The following CDH18 variants were observed in gnomAD, a reference collection of about 807,000 sequenced individuals.
The protein encoded by CDH18 is cadherin 18.
In CDH18, 31 loss-of-function variants were observed where a neutral mutation model predicts 67.9. The observed-to-expected ratio is 0.46, with a 90% CI of 0.34 to 0.62. The LOEUF is 0.62. Among genes scored for constraint, CDH18 ranks in the 20% least tolerant of loss-of-function variants. The probability of loss-of-function intolerance (pLI) is 0.01; values close to 1 mark genes in which losing one functional copy is unlikely to be tolerated. For synonymous variants in CDH18, 362 were observed against 347.2 expected, an observed-to-expected ratio of 1.04 and a Z score of -0.48; for missense variants, 890 against 975.5, an observed-to-expected ratio of 0.91 and a Z score of 1.17.
At chr5:20,239,330 C>T (rs1742713899) in intron 2 of CDH18, among the ~76,000 whole-genome samples, 1 of 152,154 alleles carries the variant, frequency 6.6e-6, no homozygotes, top group East Asian at 1.9e-4. Context: ...GTGGCGGATG[C>T]CTGTAGTCCC....
At chr5:19,792,210 T>A (rs1301190122) in intron 3 of CDH18, among the ~76,000 whole-genome samples, 1 of 152,064 alleles carries the variant, frequency 6.6e-6, no homozygotes, top group Non-Finnish European at 1.5e-5. Flanking sequence ...CACTATCTCA[T>A]CTTTTGAGGG....
chr5:19,642,733 T>C (rs776541056), intron 5 of CDH18, among the ~76,000 whole-genome samples: 1 of 151,738 alleles, frequency 6.6e-6, no homozygotes, highest in Non-Finnish European at 1.5e-5. Flanking sequence ...AAAAAAAAGA[T>C]AGGGGGAAGG....
At chr5:20,349,766 A>T (rs1203633179) in intron 1 of CDH18, among the ~76,000 whole-genome samples, 2 of 152,126 alleles carry the variant, frequency 1.3e-5, no homozygotes, top group East Asian at 3.9e-4. Flanking sequence ...ATTTTGTCAG[A>T]CCTAAGAAGA....
intron 1 of CDH18, among the ~76,000 whole-genome samples, chr5:20,282,196 A>C (rs573254655): frequency 6.6e-6 from 1 of 152,196 alleles, no homozygotes; most frequent in African/African-American, 2.4e-5. Context: ...CTAATTGAAT[A>C]CCCTTTATTT....
chr5:19,658,290 A>C (rs1011616443), intron 5 of CDH18, among the ~76,000 whole-genome samples: 1 of 152,124 alleles, frequency 6.6e-6, no homozygotes, highest in Non-Finnish European at 1.5e-5. Context: ...AACACATAAA[A>C]ATTATTTTTA....
intron 1 of CDH18, among the ~76,000 whole-genome samples, chr5:20,468,119 A>G (rs1208962720): frequency 6.6e-6 from 1 of 152,076 alleles, no homozygotes; most frequent in Non-Finnish European, 1.5e-5. Context: ...GGTTCAAGTG[A>G]ATCTCCTGCC....
At chr5:20,088,163 T>C (rs985752577) in intron 2 of CDH18, among the ~76,000 whole-genome samples, 32 of 152,338 alleles carry the variant, frequency 2.1e-4, no homozygotes, top group South Asian at 1.7e-3. Flanking sequence ...CCATTGCTAT[T>C]CCCATATCCT....
At chr5:19,523,820 C>T (rs1438711898) in intron 9 of CDH18, among the ~76,000 whole-genome samples, 1 of 151,980 alleles carries the variant, frequency 6.6e-6, no homozygotes, top group African/African-American at 2.4e-5. Flanking sequence ...ACTATCAGTA[C>T]AATTAATGGC....
intron 2 of CDH18, among the ~76,000 whole-genome samples, chr5:20,193,830 A>T (rs58772172): frequency 1.2e-3 from 176 of 152,252 alleles, no homozygotes; most frequent in Admixed American, 1.9e-3. Flanking sequence ...CATCACATAA[A>T]TAGAACCAAG....
intron 1 of CDH18, among the ~76,000 whole-genome samples, chr5:20,456,308 G>A (rs983838022): frequency 1.1e-4 from 16 of 151,964 alleles, no homozygotes; most frequent in Admixed American, 5.3e-4. Context: ...CATCAGCATC[G>A]TGTTCCAAGT....
chr5:20,452,650 T>A (rs1172731166), intron 1 of CDH18, among the ~76,000 whole-genome samples: 1 of 151,964 alleles, frequency 6.6e-6, no homozygotes, highest in Non-Finnish European at 1.5e-5. Context: ...AAAAAATAAC[T>A]ATTGTGTATG....
chr5:19,473,262 T>C lies in CDH18; in HGVS notation c.2337A>G (p.Glu779=). Residue 779 remains glutamate (E), a synonymous_variant, in exon 13 of 13, where the codon GAA becomes GAG. Transcript: ENST00000382275. ...DWGPEFKKLA[E]LYGEIESERT... The stretch of plus-strand genomic sequence containing the variant: ...TTTCAGATTCTATTTCTCCATAGAG[T>C]TCAGCTAACTTTTTAAACTCGGGTC... 6.2e-7 allele frequency: 1 copy of C among 1,613,524 alleles called. No individual in the cohort carries two copies.
At chr5:20,540,538 A>C (rs932071004) in intron 1 of CDH18, among the ~76,000 whole-genome samples, 1 of 152,182 alleles carries the variant, frequency 6.6e-6, no homozygotes. Flanking sequence ...TTTTGTCCAA[A>C]TACAGTGATA....
At position 20,411,318 on chromosome 5, in the gene CDH18, G is replaced by A. The variant is rs111333519; in HGVS notation, c.-579-155813C>T. ...TTCCCACACACGGTCAGCTGTTGTT[G>A]GACAAAAGTGCCTACAATACACAAT... On this transcript the variant is annotated intron_variant, in intron 1 of 14. Coordinates refer to the CDH18 transcript ENST00000507958. Among the ~76,000 whole-genome samples, 52 of 151,862 alleles carry A rather than the reference G, an allele frequency of 3.4e-4. 1 individual carries two copies. The highest frequency in any genetic ancestry group is 6.0e-4 in the Non-Finnish European group (41 of 67,924).
chr5:20,111,689 A>G (rs1747490903), intron 2 of CDH18, among the ~76,000 whole-genome samples: 1 of 150,866 alleles, frequency 6.6e-6, no homozygotes, highest in Non-Finnish European at 1.5e-5. Context: ...GGGCTACAAG[A>G]GTGCGCCACC....
chr5:19,753,672 A>G (rs1771146924), intron 3 of CDH18, among the ~76,000 whole-genome samples: 1 of 152,102 alleles, frequency 6.6e-6, no homozygotes, highest in Non-Finnish European at 1.5e-5. Context: ...TGTTATGCCA[A>G]TGCATAGGTC....
At chr5:19,493,558 G>C (rs1216036243) in intron 11 of CDH18, among the ~76,000 whole-genome samples, 1 of 151,870 alleles carries the variant, frequency 6.6e-6, no homozygotes, top group Non-Finnish European at 1.5e-5. Context: ...GTGTGTGTGT[G>C]TGTGTGTGTG....
intron 2 of CDH18, among the ~76,000 whole-genome samples, chr5:20,074,747 C>T (rs1743778008): frequency 1.4e-5 from 2 of 141,026 alleles, no homozygotes; most frequent in Admixed American, 7.2e-5. Flanking sequence ...TTTTTTTTTG[C>T]ATCATTAAGG....
intron 1 of CDH18, among the ~76,000 whole-genome samples, chr5:20,386,960 C>T (rs966849902): frequency 2.6e-5 from 4 of 152,024 alleles, no homozygotes; most frequent in Non-Finnish European, 5.9e-5. Context: ...TTTGGTATCT[C>T]AGAAGTTCTG....
Sources: gnomAD v4.1 joint callset for allele counts (sites outside exome capture counted in the v4.1 genomes callset) on GRCh38, gnomAD v4.1.1 for gene constraint, MANE v1.5 for transcripts, NCBI Gene and HGNC (gene_info 2026-07-23, HGNC 2026-07-21) for gene names.